VCAM1: variants seen among roughly 807,000 people sequenced by gnomAD.
VCAM1 encodes vascular cell adhesion molecule 1, also known as vascular cell adhesion protein 1.
A neutral mutation model predicts 63.8 loss-of-function variants in VCAM1; 41 were observed. That is an observed-to-expected ratio of 0.64 (90% confidence interval 0.50 to 0.83). The LOEUF is 0.83. Ranked by LOEUF, VCAM1 falls within the 40% of genes least tolerant of loss-of-function variation. The probability of loss-of-function intolerance (pLI) is 0.00; values close to 1 mark genes in which losing one functional copy is unlikely to be tolerated. For synonymous variants in VCAM1, 338 were observed against 320.7 expected, an observed-to-expected ratio of 1.05 and a Z score of -0.58; for missense variants, 798 against 875.5, an observed-to-expected ratio of 0.91 and a Z score of 1.12.
Position 100,731,286 on chromosome 1 carries a change from C to T in VCAM1, c.1293C>T (p.Tyr431=), listed in dbSNP as rs1426212180. 3.7e-6 allele frequency: 6 copies of T among 1,613,642 alleles called. No individual in the cohort carries two copies. The highest frequency in any genetic ancestry group is 5.1e-6 in the Non-Finnish European group (6 of 1,179,838). The change falls in exon 6 of 9, where the codon TAC becomes TAT. Residue 431 remains tyrosine (Y), a synonymous_variant. Coordinates refer to ENST00000294728, the MANE Select transcript of VCAM1 (RefSeq NM_001078.4). This position sits in a 1 kb window ranked among gnomAD's most constrained non-coding sequence, Gnocchi z 4.2. ...VTVSCKVPSV[Y]PLDRLEIELL... is the part of the protein sequence containing the mutation. ...TAAGCTGCAAGGTTCCTAGCGTGTA[C>T]CCCCTTGACCGGCTGGAGATTGAAT... is the stretch of plus-strand genomic sequence containing the variant.
chr1:100,730,948 G>C (rs1348605379), intron 5 of VCAM1, among the ~76,000 whole-genome samples: 9 of 152,080 alleles, frequency 5.9e-5, no homozygotes, highest in African/African-American at 2.2e-4. Flanking sequence ...TGCATATTAA[G>C]AAGAAAAGAA....
At chr1:100,720,428 T>C (rs754545826) in intron 1 of VCAM1, 48 bp from the exon 2 acceptor site, 1 of 1,577,886 alleles carries the variant, frequency 6.3e-7, no homozygotes, top group South Asian at 1.2e-5. Context: ...AGGAGAATAC[T>C]AGACAAACTA....
At chr1:100,728,276 G>C (rs1480613868) in intron 4 of VCAM1, among the ~76,000 whole-genome samples, 1 of 152,064 alleles carries the variant, frequency 6.6e-6, no homozygotes, top group Non-Finnish European at 1.5e-5. Flanking sequence ...AATTTTGGAG[G>C]TGACTTATGT....
chr1:100,732,437 C>T lies in VCAM1; in HGVS notation c.1545C>T (p.Thr515=), dbSNP rs759808363. 24 of 1,573,276 alleles carry T rather than the reference C, an allele frequency of 1.5e-5. No individual in the cohort carries two copies. Among genetic ancestry groups the T allele is most frequent in the Middle Eastern group, 1.7e-4 (1 of 5,868 alleles). ...LYVNVAPRDT[T]VLVSPSSILE... ...TTTCAGTTGCCCCCAGAGATACAAC[C>T]GTCTTGGTCAGCCCTTCCTCCATCC... The change falls in exon 7 of 9, where the codon ACC becomes ACT. Residue 515 remains threonine, a synonymous_variant. Transcript: ENST00000294728.
rs773000426 is a variant in VCAM1, at chr1:100,738,201, T to C, written c.2138T>C (p.Ile713Thr). 3.7e-6 allele frequency: 6 copies of C among 1,613,874 alleles called. No homozygotes were observed. Among genetic ancestry groups the C allele is most frequent in the Non-Finnish European group, 3.4e-6 (4 of 1,179,806 alleles). ...YFASSLIIPA[I>T]GMIIYFARKA... is the part of the protein sequence containing the mutation. ...GCATCCTCCTTAATAATACCTGCCATTGGAATGATAATTTACTTTGCAAGA... is the reference window on the plus strand; with the variant it reads ...GCATCCTCCTTAATAATACCTGCCACTGGAATGATAATTTACTTTGCAAGA... Residue 713 changes from isoleucine (I) to threonine (T), a missense_variant, in exon 9 of 9, where the codon ATT becomes ACT. Coordinates refer to ENST00000294728, the MANE Select transcript of VCAM1 (RefSeq NM_001078.4).
intron 7 of VCAM1, among the ~76,000 whole-genome samples, chr1:100,733,055 G>A (rs760522660): frequency 6.6e-6 from 1 of 152,224 alleles, no homozygotes; most frequent in Non-Finnish European, 1.5e-5. Context: ...TGAACTCTGA[G>A]TGGCAATCTC....
In VCAM1 at chr1:100,731,019, A is replaced by C. The variant is rs1281224190; in HGVS notation, c.1205-179A>C. Among the ~76,000 whole-genome samples, 1 of 152,162 alleles carries C rather than the reference A, an allele frequency of 6.6e-6. No homozygotes were observed. Among genetic ancestry groups the C allele is most frequent in the Non-Finnish European group, 1.5e-5 (1 of 68,002 alleles). On this transcript the variant is annotated intron_variant, in intron 5 of 8. Coordinates refer to ENST00000294728, the MANE Select transcript of VCAM1 (RefSeq NM_001078.4). This position sits in a 1 kb window ranked among gnomAD's most constrained non-coding sequence, Gnocchi z 4.2. ...CTAAGTAGTTTTTGTTTCTAACATT[A>C]TTCATATATAATATCATAAATATGT...
At chr1:100,722,977 C>T (rs1245100045) in intron 2 of VCAM1, 43 bp from the exon 3 acceptor site, 10 of 1,562,820 alleles carry the variant, frequency 6.4e-6, no homozygotes, top group South Asian at 3.6e-5. Context: ...CCTTATATCA[C>T]ATTAGCAAAA....
chr1:100,726,556 A>G (rs565989993), intron 4 of VCAM1, among the ~76,000 whole-genome samples: 1 of 152,040 alleles, frequency 6.6e-6, no homozygotes, highest in African/African-American at 2.4e-5. Context: ...ATTCTCCAAT[A>G]TGAAGCTCAT....
At chr1:100,722,939 A>G in intron 2 of VCAM1, 81 bp from the exon 3 acceptor site, 1 of 1,424,672 alleles carries the variant, frequency 7.0e-7, no homozygotes, top group African/African-American at 1.4e-5. Flanking sequence ...GCTAGACTTG[A>G]TTTGTATTGT....
rs967254310 is a variant in VCAM1 at position 100,731,904 on chromosome 1, G to A, written c.1525+386G>A. ...CTTTCTTTATGTGGTGTCACCCTGA[G>A]GAACAGTAGCCTAGATTTACTCTCC... is the stretch of plus-strand genomic sequence containing the variant. On this transcript the variant is annotated intron_variant, in intron 6 of 8. Transcript: ENST00000294728. The surrounding 1 kb of genome is among the most constrained non-coding windows in gnomAD (Gnocchi z 4.2). Among the ~76,000 whole-genome samples the A allele has an allele frequency of 6.6e-6, 1 of 152,142 alleles. No homozygotes were observed. Among genetic ancestry groups the A allele is most frequent in the Non-Finnish European group, 1.5e-5 (1 of 68,026 alleles).
At position 100,732,580 on chromosome 1, in the gene VCAM1, C is replaced by T; in HGVS notation, c.1688C>T (p.Thr563Ile). The T allele has an allele frequency of 6.2e-7, 1 of 1,613,418 alleles. No homozygotes were observed. The highest frequency in any genetic ancestry group is 1.1e-5 in the South Asian group (1 of 90,886). Residue 563 changes from threonine to isoleucine, a missense_variant, in exon 7 of 9, where the codon ACT becomes ATT. Physicochemically the swap from Thr to Ile is moderately conservative, Grantham distance 89. Transcript: ENST00000294728. Reference protein sequence around the residue: ...GELQPLSENATLTLISTKMED... With the variant: ...GELQPLSENAILTLISTKMED... ...CTACAGCCTCTTTCTGAGAATGCAA[C>T]TCTCACCTTAATTTCTACAAAAATG... is the stretch of plus-strand genomic sequence containing the variant.
At chr1:100,723,443 T>C in intron 3 of VCAM1, 103 bp downstream of exon 3, 2 of 1,150,780 alleles carry the variant, frequency 1.7e-6, no homozygotes, top group Non-Finnish European at 2.4e-6. Flanking sequence ...AACTTGTATA[T>C]AGTTTGTATT....
In VCAM1 at chr1:100,738,256, T is replaced by C; in HGVS notation, c.2193T>C (p.Leu731=). The C allele has an allele frequency of 2.5e-6, 4 of 1,613,584 alleles. No homozygotes were observed. The highest frequency in any genetic ancestry group is 3.4e-6 in the Non-Finnish European group (4 of 1,179,660). ...CCAACATGAAGGGGTCATATAGTCT[T>C]GTAGAAGCACAGAAGTCAAAAGTGT... ...RKANMKGSYS[L]VEAQKSKV is the part of the protein sequence containing the mutation. Residue 731 remains leucine, a synonymous_variant, in exon 9 of 9, where the codon CTT becomes CTC. Transcript: ENST00000294728.
chr1:100,732,561 C>A lies in VCAM1; in HGVS notation c.1669C>A (p.Pro557Thr). The change falls in exon 7 of 9, where the codon CCT (proline) becomes ACT (threonine). Residue 557 changes from proline (P) to threonine (T), a missense_variant. Physicochemically the swap from Pro to Thr is conservative, Grantham distance 38 (BLOSUM62 -1). Coordinates refer to ENST00000294728, the MANE Select transcript of VCAM1 (RefSeq NM_001078.4). ...GCAGCTCCCTAACGGGGAGCTACAG[C>A]CTCTTTCTGAGAATGCAACTCTCAC... is the stretch of plus-strand genomic sequence containing the variant. Reference protein sequence around the residue: ...SRQLPNGELQPLSENATLTLI... With the variant: ...SRQLPNGELQTLSENATLTLI... 6.2e-7 allele frequency: 1 copy of A among 1,613,296 alleles called. No homozygotes were observed. Among genetic ancestry groups the A allele is most frequent in the Non-Finnish European group, 8.5e-7 (1 of 1,179,702 alleles).
intron 8 of VCAM1, 30 bp from the exon 9 acceptor site, chr1:100,738,093 A>G: frequency 6.2e-7 from 1 of 1,607,630 alleles, no homozygotes; most frequent in Non-Finnish European, 8.5e-7. Flanking sequence ...TGTACTAGAC[A>G]TTAATTGCAT....
Position 100,719,910 on chromosome 1 carries a change from T to C in VCAM1, c.50T>C (p.Ile17Thr). 1 of 1,610,760 alleles carries C rather than the reference T, an allele frequency of 6.2e-7. No homozygotes were observed. Among genetic ancestry groups the C allele is most frequent in the Non-Finnish European group, 8.5e-7 (1 of 1,177,700 alleles). ...CTTGGAGCCTCAAATATACTTTGGATAATGTTTGCAGCTTGTAAGTTATTT... is the reference window on the plus strand; with the variant it reads ...CTTGGAGCCTCAAATATACTTTGGACAATGTTTGCAGCTTGTAAGTTATTT... ...VILGASNILW[I>T]MFAASQAFKI... The change falls in exon 1 of 9, where the codon ATA becomes ACA. Residue 17 changes from isoleucine to threonine, a missense_variant. Ile to Thr is a moderately conservative substitution (Grantham distance 89, BLOSUM62 -1). Coordinates refer to ENST00000294728, the MANE Select transcript of VCAM1 (RefSeq NM_001078.4).
intron 8 of VCAM1, 101 bp downstream of exon 8, chr1:100,734,869 C>A: frequency 7.2e-7 from 1 of 1,390,488 alleles, no homozygotes; most frequent in Non-Finnish European, 9.7e-7. Context: ...CAAAATGGAG[C>A]TGTGGTTTAT....
rs1338387755 is a variant in VCAM1, at chr1:100,731,990, A to G, written c.1526-428A>G. ...AGCCTCTTCAAGGCCTGGGTTTGGA[A>G]GTCCTACAGTGTTACTTCTTCTTCC... On this transcript the variant is annotated intron_variant, in intron 6 of 8. Coordinates refer to ENST00000294728, the MANE Select transcript of VCAM1 (RefSeq NM_001078.4). The surrounding 1 kb of genome is among the most constrained non-coding windows in gnomAD (Gnocchi z 4.2). 6.6e-6 allele frequency among the ~76,000 whole-genome samples: 1 copy of G among 152,174 alleles called. No homozygotes were observed. The highest frequency in any genetic ancestry group is 6.5e-5 in the Admixed American group (1 of 15,278).
Sources: gnomAD v4.1 joint callset for allele counts (sites outside exome capture counted in the v4.1 genomes callset) on GRCh38, gnomAD v4.1.1 for gene constraint, Gnocchi (gnomAD v3.1) non-coding constraint, MANE v1.5 for transcripts, NCBI Gene and HGNC (gene_info 2026-07-23, HGNC 2026-07-21) for gene names.